Variants in PRCD observed in about 807,000 individuals in gnomAD.
PRCD encodes photoreceptor disc component.
A neutral mutation model predicts 10.1 loss-of-function variants in PRCD; 12 were observed. The ratio of observed to expected loss-of-function variants is 1.18; its 90% CI spans 0.76 to 1.92. The LOEUF is 1.92. PRCD is among the 40% of genes most tolerant of loss of function. The pLI is 0.00. For missense variants in PRCD, 61 were observed against 72.2 expected, an observed-to-expected ratio of 0.84 and a Z score of 0.56; for synonymous variants, 31 against 26.2, an observed-to-expected ratio of 1.18 and a Z score of -0.56.
At chr17:76,541,446 CTCTT>C (rs1415981408) in intron 2 of PRCD, among the ~76,000 whole-genome samples, 3 of 152,306 alleles carry the variant, frequency 2.0e-5, no homozygotes, top group Non-Finnish European at 2.9e-5. Flanking sequence ...CCATCCATGT[CTCTT>C]TCTGAGTGGG....
chr17:76,551,541 C>T (rs143259784), intron 1 of PRCD: 4 of 152,222 alleles, frequency 2.6e-5, no homozygotes, highest in East Asian at 1.9e-4. Flanking sequence ...AGTTAAAGCT[C>T]GGTGAAACTT....
At position 76,528,788 on chromosome 17, in the gene PRCD, C is replaced by T; in HGVS notation, n.45+955C>T. On this transcript the variant is annotated intron_variant and non_coding_transcript_variant, in intron 1 of 4. Coordinates refer to the PRCD transcript ENST00000397633. This position sits in a 1 kb window ranked among gnomAD's most constrained non-coding sequence, Gnocchi z 5.8. ...TAGTCTCCGTCCTGCTACGAACGTG[C>T]TGTGTGATCTCAGGCAAGTCTACTG... 2.0e-6 allele frequency: 2 copies of T among 1,021,094 alleles called. No individual in the cohort carries two copies. Among genetic ancestry groups the T allele is most frequent in the Non-Finnish European group, 2.5e-6 (2 of 791,078 alleles). The allele number at this position is 1,021,094 out of a possible 1,614,324, so 63.3% of individuals were successfully genotyped here.
At chr17:76,537,080 T>TGTGTCTGACAGTTTGGCTGG (rs932167901), upstream of PRCD, among the ~76,000 whole-genome samples, 8 of 152,316 alleles carry the variant, frequency 5.3e-5, no homozygotes, top group African/African-American at 1.9e-4. Context: ...GAAAAATGTG[T>TGTGTCTGACAGTTTGGCTGG]GTGTCTGACA....
At chr17:76,532,898 C>T (rs181451111) in intron 1 of PRCD, among the ~76,000 whole-genome samples, 6 of 152,132 alleles carry the variant, frequency 3.9e-5, no homozygotes, top group African/African-American at 9.7e-5. Context: ...ACATGGGCAC[C>T]GACTCAATCA....
upstream of PRCD, chr17:76,527,593 G>A (rs1397261780): frequency 2.2e-6 from 1 of 453,038 alleles, no homozygotes; most frequent in African/African-American, 2.0e-5. Context: ...TGAATAGACA[G>A]GGCCGACTGC....
At chr17:76,546,520 T>C (rs1240395024), downstream of PRCD, 1 of 151,786 alleles carries the variant, frequency 6.6e-6, no homozygotes, top group Non-Finnish European at 1.5e-5. This position sits in a 1 kb window ranked among gnomAD's most constrained non-coding sequence, Gnocchi z 4.5. Context: ...GGGCCAAGAC[T>C]AGATGGGTAG....
rs112261212 is a variant in PRCD, at chr17:76,531,761, T to C, written n.45+3928T>C. ...CGGGCCCACCCTGAAGCTTCCAGGA[T>C]AGTGGGGGCTGAAGAAGTGGACCGC... is the stretch of plus-strand genomic sequence containing the variant. On this transcript the variant is annotated intron_variant and non_coding_transcript_variant, in intron 1 of 4. Transcript: ENST00000397633. The surrounding 1 kb of genome is among the most constrained non-coding windows in gnomAD (Gnocchi z 7.4). 4.5e-6 allele frequency: 6 copies of C among 1,347,694 alleles called. No individual in the cohort carries two copies. The highest frequency in any genetic ancestry group is 5.1e-6 in the Non-Finnish European group (5 of 977,826). The allele number at this position is 1,347,694 out of a possible 1,614,324, so 83.5% of individuals were successfully genotyped here.
chr17:76,533,462 C>T lies in PRCD; in HGVS notation n.45+5629C>T, dbSNP rs1240891412. ...TGATATGGCCGGGCACGGTGGCTCA[C>T]GCCTATAATCCTAGCACTTTACGAG... On this transcript the variant is annotated intron_variant and non_coding_transcript_variant, in intron 1 of 4. Transcript: ENST00000397633. This position sits in a 1 kb window ranked among gnomAD's most constrained non-coding sequence, Gnocchi z 4.5. Among the ~76,000 whole-genome samples, 4 of 152,182 alleles carry T rather than the reference C, an allele frequency of 2.6e-5. No homozygotes were observed. Among genetic ancestry groups the T allele is most frequent in the African/African-American group, 7.2e-5 (3 of 41,426 alleles).
upstream of PRCD, chr17:76,539,968 T>C: frequency 1.5e-6 from 1 of 662,352 alleles, no homozygotes; most frequent in Non-Finnish European, 2.6e-6. Context: ...GCTTAATCAG[T>C]CCTCACAAGG....
chr17:76,548,271 A>C (rs903679087), downstream of PRCD, among the ~76,000 whole-genome samples: 11 of 152,162 alleles, frequency 7.2e-5, no homozygotes, highest in African/African-American at 2.7e-4. Context: ...GATACACATA[A>C]ACATACATAC....
At chr17:76,547,591 G>A (rs1413126130), downstream of PRCD, among the ~76,000 whole-genome samples, 1 of 152,008 alleles carries the variant, frequency 6.6e-6, no homozygotes, top group Non-Finnish European at 1.5e-5. Context: ...GACTCAGCCT[G>A]TGCACCTGGG....
chr17:76,533,223 C>T lies in PRCD; in HGVS notation n.45+5390C>T, dbSNP rs1035219275. The stretch of plus-strand genomic sequence containing the variant: ...AGGCCAACTGTGACCTTGGGCAAAC[C>T]GCTTCACAAGCTCCCTGTTTGCAGA... On this transcript the variant is annotated intron_variant and non_coding_transcript_variant, in intron 1 of 4. Coordinates refer to the PRCD transcript ENST00000397633. This position sits in a 1 kb window ranked among gnomAD's most constrained non-coding sequence, Gnocchi z 4.5. 1.3e-5 allele frequency among the ~76,000 whole-genome samples: 2 copies of T among 152,168 alleles called. No individual in the cohort carries two copies. The highest frequency in any genetic ancestry group is 6.5e-5 in the Admixed American group (1 of 15,280).
chr17:76,535,560 C>A (rs2074904793), upstream of PRCD, among the ~76,000 whole-genome samples: 1 of 152,092 alleles, frequency 6.6e-6, no homozygotes, highest in Non-Finnish European at 1.5e-5. Context: ...GGGCTCTAGT[C>A]CACAAAGAAG....
intron 4 of PRCD, among the ~76,000 whole-genome samples, 192 bp from the exon 5 acceptor site, chr17:76,543,611 C>G (rs145042171): frequency 6.6e-6 from 1 of 152,200 alleles, no homozygotes. Flanking sequence ...GCAGAGCCCA[C>G]GCTCCTACCC....
chr17:76,530,912 G>T lies in PRCD; in HGVS notation n.45+3079G>T. ...AGCCCCAGGGCCTCAGGAGATATGG[G>T]AGACCTCGGGGACAGCAGAGGACAT... On this transcript the variant is annotated intron_variant and non_coding_transcript_variant, in intron 1 of 4. Transcript: ENST00000397633. The surrounding 1 kb of genome is among the most constrained non-coding windows in gnomAD (Gnocchi z 6.1). 1 of 1,483,088 alleles carries T rather than the reference G, an allele frequency of 6.7e-7. No homozygotes were observed. The highest frequency in any genetic ancestry group is 1.3e-5 in the South Asian group (1 of 75,630). 91.9% of individuals were successfully genotyped at this position (1,483,088 alleles called of 1,614,324 possible).
rs2074823847 is a variant in PRCD at position 76,530,511 on chromosome 17, C to T, written n.45+2678C>T. ...GTGTGTATGTGTCCTCGTGATCCTC[C>T]GGGCTCTAGCCCTATTGAGGCAGAG... On this transcript the variant is annotated intron_variant and non_coding_transcript_variant, in intron 1 of 4. Coordinates refer to the PRCD transcript ENST00000397633. The surrounding 1 kb of genome is among the most constrained non-coding windows in gnomAD (Gnocchi z 6.1). Among the ~76,000 whole-genome samples, 1 of 152,134 alleles carries T rather than the reference C, an allele frequency of 6.6e-6. No homozygotes were observed. The highest frequency in any genetic ancestry group is 1.5e-5 in the Non-Finnish European group (1 of 68,014).
chr17:76,535,823 C>A (rs759232441), upstream of PRCD, among the ~76,000 whole-genome samples: 4 of 152,178 alleles, frequency 2.6e-5, no homozygotes, highest in African/African-American at 7.2e-5. Context: ...ATGATGTGGA[C>A]GGTGAGCACT....
At chr17:76,537,699 G>GGTGT (rs550286728), upstream of PRCD, 14 of 555,684 alleles carry the variant, frequency 2.5e-5, no homozygotes, top group South Asian at 1.5e-4. Context: ...GTGCGCGCCG[G>GGTGT]GTGTGTGTGT....
In PRCD at chr17:76,531,604, C is replaced by G; in HGVS notation, n.45+3771C>G. On this transcript the variant is annotated intron_variant and non_coding_transcript_variant, in intron 1 of 4. Coordinates refer to the PRCD transcript ENST00000397633. The surrounding 1 kb of genome is among the most constrained non-coding windows in gnomAD (Gnocchi z 7.4). The stretch of plus-strand genomic sequence containing the variant: ...TGACTCGGCAGGCGTGCTTCCGCAG[C>G]TGGGGGCTCCGCTCCATCTCCAGGG... 1.2e-6 allele frequency: 2 copies of G among 1,613,788 alleles called. No homozygotes were observed. Among genetic ancestry groups the G allele is most frequent in the South Asian group, 2.2e-5 (2 of 91,086 alleles).
Sources: gnomAD v4.1 joint callset for allele counts (sites outside exome capture counted in the v4.1 genomes callset) on GRCh38, gnomAD v4.1.1 for gene constraint, Gnocchi (gnomAD v3.1) non-coding constraint, MANE v1.5 for transcripts, NCBI Gene and HGNC (gene_info 2026-07-23, HGNC 2026-07-21) for gene names.